Variants in ADAD1 observed in about 807,000 individuals in gnomAD.
ADAD1 encodes adenosine deaminase domain containing 1.
In ADAD1, 46 loss-of-function variants were observed where a neutral mutation model predicts 66.8. The ratio of observed to expected loss-of-function variants is 0.69; its 90% CI spans 0.54 to 0.88. The LOEUF (loss-of-function observed/expected upper bound fraction) is 0.88, where lower values mean the gene tolerates loss of function less well. ADAD1 is among the 40% of genes least tolerant of loss of function. The pLI is 0.00. For synonymous variants in ADAD1, 248 were observed against 229.4 expected, an observed-to-expected ratio of 1.08 and a Z score of -0.73; for missense variants, 617 against 681.8, an observed-to-expected ratio of 0.91 and a Z score of 1.06.
intron 11 of ADAD1, among the ~76,000 whole-genome samples, chr4:122,420,796 G>GATAA (rs1796969043): frequency 6.6e-6 from 1 of 152,136 alleles, no homozygotes; most frequent in African/African-American, 2.4e-5. Flanking sequence ...TTGTGACATA[G>GATAA]GTTATGTGTA....
At chr4:122,401,630 CT>C (rs1795982578) in intron 7 of ADAD1, among the ~76,000 whole-genome samples, 1 of 152,010 alleles carries the variant, frequency 6.6e-6, no homozygotes, top group Admixed American at 6.6e-5. Flanking sequence ...TGCCGTCTAT[CT>C]TTTTTCTTAG....
chr4:122,383,973 A>G lies in ADAD1; in HGVS notation c.529+7A>G, dbSNP rs1795034369. 6.3e-7 allele frequency: 1 copy of G among 1,597,142 alleles called. No homozygotes were observed. Among genetic ancestry groups the G allele is most frequent in the Non-Finnish European group, 8.5e-7 (1 of 1,172,510 alleles). On this transcript the variant is annotated splice_region_variant and intron_variant, in intron 5 of 12. Transcript: ENST00000296513. ...CGAATTTTAGAAACATCAGGTAAAT[A>G]CTCTTGATTATAAAGTATTTATAAG... is the stretch of plus-strand genomic sequence containing the variant.
intron 12 of ADAD1, among the ~76,000 whole-genome samples, chr4:122,426,583 A>G (rs952834140): frequency 7.9e-5 from 12 of 152,234 alleles, no homozygotes; most frequent in African/African-American, 2.9e-4. Context: ...GAAAATCCTT[A>G]GCAAGATATT....
intron 11 of ADAD1, among the ~76,000 whole-genome samples, chr4:122,420,121 A>G (rs1164752592): frequency 6.6e-6 from 1 of 152,250 alleles, no homozygotes; most frequent in African/African-American, 2.4e-5. Flanking sequence ...AAAAATCAAG[A>G]AAATTATCAA....
rs1435106679 is a variant in ADAD1 at position 122,412,684 on chromosome 4, A to T, written c.1124A>T (p.Asp375Val). 2 of 1,613,884 alleles carry T rather than the reference A, an allele frequency of 1.2e-6. No homozygotes were observed. The highest frequency in any genetic ancestry group is 1.7e-6 in the Non-Finnish European group (2 of 1,179,822). ...TATCTGACTGTTTACTGTCCTAAAG[A>T]TGGTGTTAATAGAATAAGCAGTATG... ...KIYLTVYCPK[D>V]GVNRISSMSS... Residue 375 changes from aspartate to valine, a missense_variant, in exon 10 of 13, where the codon GAT becomes GTT. Asp to Val is a radical substitution (Grantham distance 152). Transcript: ENST00000296513.
chr4:122,402,751 T>G (rs1253177141), intron 7 of ADAD1, among the ~76,000 whole-genome samples: 1 of 152,152 alleles, frequency 6.6e-6, no homozygotes, highest in Non-Finnish European at 1.5e-5. Flanking sequence ...GTCTTTGAGC[T>G]CTGAAGTTAT....
At chr4:122,394,545 T>C (rs1795606049) in intron 6 of ADAD1, among the ~76,000 whole-genome samples, 1 of 152,162 alleles carries the variant, frequency 6.6e-6, no homozygotes, top group Non-Finnish European at 1.5e-5. Context: ...TGTGCTTGCG[T>C]GAAGTAAAAG....
At position 122,415,596 on chromosome 4, in the gene ADAD1, G is replaced by C. The variant is rs753798163; in HGVS notation, c.1467G>C (p.Leu489=). 2 of 1,613,470 alleles carry C rather than the reference G, an allele frequency of 1.2e-6. No homozygotes were observed. Among genetic ancestry groups the C allele is most frequent in the South Asian group, 2.2e-5 (2 of 91,018 alleles). Residue 489 remains leucine (L), a synonymous_variant, in exon 11 of 13, where the codon CTG becomes CTC. Coordinates refer to ENST00000296513, the MANE Select transcript of ADAD1 (RefSeq NM_139243.4). Reference sequence around the variant, plus strand: ...TTTCTTTGGAGATTGTGGATGGCCTGAGTGGGAAGATCACTGAAAGGTTAA... The same window carrying C: ...TTTCTTTGGAGATTGTGGATGGCCTCAGTGGGAAGATCACTGAAAGGTTAA... The part of the protein sequence containing the change: ...GDVSLEIVDG[L]SGKITESSPF...
chr4:122,393,332 C>T (rs572040379), intron 5 of ADAD1, among the ~76,000 whole-genome samples: 60 of 152,076 alleles, frequency 3.9e-4, no homozygotes, highest in African/African-American at 1.4e-3. Flanking sequence ...AGCAGCTTTT[C>T]AGGATGTTGC....
At chr4:122,387,495 T>C (rs938586886) in intron 5 of ADAD1, among the ~76,000 whole-genome samples, 2 of 152,126 alleles carry the variant, frequency 1.3e-5, no homozygotes, top group Admixed American at 6.5e-5. Flanking sequence ...CAGAGACAAA[T>C]TGACTTCCTC....
At chr4:122,389,094 TCTTGATTTCTGC>T (rs533176230) in intron 5 of ADAD1, among the ~76,000 whole-genome samples, 55 of 152,312 alleles carry the variant, frequency 3.6e-4, no homozygotes, top group African/African-American at 1.2e-3. Flanking sequence ...TCAAAGAACT[TCTTGATTTCTGC>T]CTTGATTTCA....
At chr4:122,426,256 C>T (rs1797231066) in intron 12 of ADAD1, among the ~76,000 whole-genome samples, 3 of 152,034 alleles carry the variant, frequency 2.0e-5, no homozygotes, top group Non-Finnish European at 4.4e-5. Flanking sequence ...ATGAAATGGA[C>T]ATGTTCCTAG....
chr4:122,426,288 T>C (rs1333777011), intron 12 of ADAD1, among the ~76,000 whole-genome samples: 1 of 152,114 alleles, frequency 6.6e-6, no homozygotes, highest in Non-Finnish European at 1.5e-5. Flanking sequence ...TCATAAAAAC[T>C]GACTTAACAA....
chr4:122,381,240 G>A, intron 4 of ADAD1, 60 bp downstream of exon 4: 4 of 1,449,466 alleles, frequency 2.8e-6, no homozygotes, highest in Non-Finnish European at 3.7e-6. Flanking sequence ...AAATAATTGT[G>A]CTAAGTTTAG....
At chr4:122,426,263 C>T (rs1210972767) in intron 12 of ADAD1, among the ~76,000 whole-genome samples, 1 of 151,914 alleles carries the variant, frequency 6.6e-6, no homozygotes, top group African/African-American at 2.4e-5. Flanking sequence ...GGACATGTTC[C>T]TAGAAAGACA....
chr4:122,405,463 C>T (rs1028386663), intron 7 of ADAD1, among the ~76,000 whole-genome samples: 7 of 152,258 alleles, frequency 4.6e-5, no homozygotes, highest in South Asian at 4.1e-4. Flanking sequence ...TGCCAAGGTA[C>T]CCACTGCCTG....
intron 8 of ADAD1, among the ~76,000 whole-genome samples, chr4:122,408,784 G>A (rs1284445400): frequency 6.6e-6 from 1 of 152,026 alleles, no homozygotes; most frequent in African/African-American, 2.4e-5. Context: ...TTTGGAGAAT[G>A]AGGTGGGAGG....
intron 4 of ADAD1, among the ~76,000 whole-genome samples, chr4:122,382,841 G>C (rs367569507): frequency 1.6e-4 from 25 of 152,310 alleles, no homozygotes; most frequent in African/African-American, 5.8e-4. Flanking sequence ...GGAAACTGAA[G>C]TCTGAGATGT....
At chr4:122,415,045 C>T (rs556683124) in intron 10 of ADAD1, among the ~76,000 whole-genome samples, 3 of 152,200 alleles carry the variant, frequency 2.0e-5, no homozygotes, top group East Asian at 3.9e-4. Flanking sequence ...GCATACAATG[C>T]GGTCAACAAA....
Sources: allele counts gnomAD v4.1 joint callset (sites outside exome capture counted in the v4.1 genomes callset), GRCh38; gene constraint gnomAD v4.1.1; transcripts MANE v1.5; gene names NCBI Gene and HGNC (gene_info 2026-07-23, HGNC 2026-07-21).